Variants in B3GALNT2 observed in about 807,000 individuals in gnomAD.
The protein encoded by B3GALNT2 is UDP-GalNAc:beta-1,3-N-acetylgalactosaminyltransferase 2.
Under a neutral mutation model 61.1 loss-of-function variants are expected in B3GALNT2, and 53 were observed. That is an observed-to-expected ratio of 0.87 (90% confidence interval 0.70 to 1.09). The LOEUF (loss-of-function observed/expected upper bound fraction) is 1.09. Ranked by LOEUF, B3GALNT2 falls within the 50% of genes least tolerant of loss-of-function variation. B3GALNT2 has a pLI of 0.00. For synonymous variants in B3GALNT2, 223 were observed against 237.4 expected, an observed-to-expected ratio of 0.94 and a Z score of 0.56; for missense variants, 544 against 623.0, an observed-to-expected ratio of 0.87 and a Z score of 1.35.
chr1:235,471,099 A>G, intron 5 of B3GALNT2, 139 bp from the exon 6 acceptor site: 1 of 1,437,374 alleles, frequency 7.0e-7, no homozygotes, highest in Non-Finnish European at 9.2e-7. Context: ...ACTCTGACAT[A>G]CCACTGTTAG....
chr1:235,484,317 C>T lies in B3GALNT2; in HGVS notation c.555+5G>A, dbSNP rs373909279. On this transcript the variant is annotated splice_donor_5th_base_variant and intron_variant, in intron 4 of 11. Coordinates refer to ENST00000366600, the MANE Select transcript of B3GALNT2 (RefSeq NM_152490.5). The stretch of plus-strand genomic sequence containing the variant: ...GAGAAAAAACCTGTACAGAGCAGTG[C>T]ATACCTCTTGTTCTGCCTGATAAAG... 3.6e-5 allele frequency: 58 copies of T among 1,612,602 alleles called. No individual in the cohort carries two copies. The highest frequency in any genetic ancestry group is 1.7e-4 in the Middle Eastern group (1 of 5,944).
At chr1:235,482,943 G>A (rs1684626459) in intron 4 of B3GALNT2, among the ~76,000 whole-genome samples, 1 of 152,140 alleles carries the variant, frequency 6.6e-6, no homozygotes, top group Non-Finnish European at 1.5e-5. Context: ...GACAGACGCT[G>A]AGATGACTCA....
chr1:235,502,879 T>C (rs1018643935), intron 1 of B3GALNT2, among the ~76,000 whole-genome samples: 1 of 152,244 alleles, frequency 6.6e-6, no homozygotes, highest in Non-Finnish European at 1.5e-5. Context: ...TCTTCTTAGT[T>C]CACTTCACAA....
rs534326291 is a variant in B3GALNT2 at position 235,489,951 on chromosome 1, A to C, written c.261-683T>G. On this transcript the variant is annotated intron_variant, in intron 2 of 11. Transcript: ENST00000366600. ...TAATGTAACCAATGAGCTGCTGCTA[A>C]ATCAATAGACACTCTTGAACTCTTA... 2.0e-5 allele frequency among the ~76,000 whole-genome samples: 3 copies of C among 152,280 alleles called. No individual in the cohort carries two copies. In the East Asian group the frequency reaches 5.8e-4, roughly 29 times the overall value.
Position 235,449,978 on chromosome 1 carries a change from T to G in B3GALNT2, c.*228A>C. ...AAATAACTTGGTATTTTTCTGATAATCTTCCAATAGATAAATAAAAACTTT... is the reference window on the plus strand; with the variant it reads ...AAATAACTTGGTATTTTTCTGATAAGCTTCCAATAGATAAATAAAAACTTT... On this transcript the variant is annotated 3_prime_UTR_variant, in exon 12 of 12. Transcript: ENST00000366600. The G allele has an allele frequency of 2.5e-6, 1 of 392,330 alleles. No homozygotes were observed. Among genetic ancestry groups the G allele is most frequent in the Non-Finnish European group, 4.5e-6 (1 of 221,504 alleles). The allele number at this position is 392,330 out of a possible 1,614,324, so 24.3% of individuals were successfully genotyped here. A position where few individuals can be genotyped will look rare whatever the true frequency, so the allele number is the denominator to read the frequency against.
chr1:235,450,098 C>A lies in B3GALNT2; in HGVS notation c.*108G>T. On this transcript the variant is annotated 3_prime_UTR_variant, in exon 12 of 12. Coordinates refer to ENST00000366600, the MANE Select transcript of B3GALNT2 (RefSeq NM_152490.5). ...TGGGTGAAAGTGCCAGTCTGGAACT[C>A]TCTTGAAAGACCATACAGTCTACTG... is the stretch of plus-strand genomic sequence containing the variant. 1 of 1,373,732 alleles carries A rather than the reference C, an allele frequency of 7.3e-7. No individual in the cohort carries two copies. The highest frequency in any genetic ancestry group is 1.0e-6 in the Non-Finnish European group (1 of 989,642). The allele number at this position is 1,373,732 out of a possible 1,614,324, so 85.1% of individuals were successfully genotyped here.
downstream of B3GALNT2, among the ~76,000 whole-genome samples, chr1:235,446,969 C>G (rs1455774651): frequency 6.6e-6 from 1 of 152,144 alleles, no homozygotes; most frequent in Non-Finnish European, 1.5e-5. Flanking sequence ...GCAGGCCAGG[C>G]AGATTTCTTA....
chr1:235,494,641 T>C (rs767869415), intron 2 of B3GALNT2, 40 bp downstream of exon 2: 4 of 1,585,334 alleles, frequency 2.5e-6, no homozygotes, highest in African/African-American at 2.7e-5. Context: ...AGAACTCTTA[T>C]TTCAATAAAC....
At chr1:235,468,450 CTTTTTTTTTTT>C (rs58494716) in intron 6 of B3GALNT2, among the ~76,000 whole-genome samples, 1 of 87,388 alleles carries the variant, frequency 1.1e-5, no homozygotes, top group East Asian at 3.0e-4. Context: ...AGAAACCTAC[CTTTTTTTTTTT>C]TTTTTTTTTT....
intron 1 of B3GALNT2, among the ~76,000 whole-genome samples, chr1:235,503,225 T>C (rs575726382): frequency 2.0e-4 from 31 of 152,344 alleles, no homozygotes; most frequent in African/African-American, 5.8e-4. Flanking sequence ...AGTCCCAGTA[T>C]AGTTACAAAA....
intron 6 of B3GALNT2, among the ~76,000 whole-genome samples, chr1:235,468,147 T>A (rs567662559): frequency 4.0e-4 from 61 of 152,326 alleles, no homozygotes; most frequent in African/African-American, 1.5e-3. Flanking sequence ...AATTTCTGTT[T>A]ATTAACTTCT....
At chr1:235,460,594 G>A (rs1002319484) in intron 7 of B3GALNT2, among the ~76,000 whole-genome samples, 1 of 147,336 alleles carries the variant, frequency 6.8e-6, no homozygotes, top group African/African-American at 2.5e-5. Context: ...TTTTTTTTGA[G>A]ACAGGGTCTT....
At chr1:235,504,077 C>T in intron 1 of B3GALNT2, 64 bp downstream of exon 1, 1 of 1,200,758 alleles carries the variant, frequency 8.3e-7, no homozygotes, top group Non-Finnish European at 1.0e-6. Flanking sequence ...CGAAGCCCCG[C>T]GGCACCAAGC....
intron 6 of B3GALNT2, among the ~76,000 whole-genome samples, chr1:235,467,699 C>T (rs976813031): frequency 6.6e-6 from 1 of 151,530 alleles, no homozygotes; most frequent in African/African-American, 2.4e-5. Flanking sequence ...AGGCTGGTCT[C>T]GAACTCCTGA....
At chr1:235,477,024 CAA>C (rs113918092) in intron 5 of B3GALNT2, among the ~76,000 whole-genome samples, 12 of 110,642 alleles carry the variant, frequency 1.1e-4, no homozygotes, top group Admixed American at 9.5e-5. Flanking sequence ...GAGCCTGTCT[CAA>C]AAAAAAAAAA....
chr1:235,455,368 C>T (rs989938627), intron 9 of B3GALNT2, among the ~76,000 whole-genome samples, 191 bp downstream of exon 9: 2 of 152,104 alleles, frequency 1.3e-5, no homozygotes, highest in Non-Finnish European at 1.5e-5. Flanking sequence ...CCTCAGCCTT[C>T]CCAAAACTCT....
chr1:235,458,539 A>T, intron 8 of B3GALNT2, 64 bp downstream of exon 8: 1 of 1,517,202 alleles, frequency 6.6e-7, no homozygotes, highest in South Asian at 1.4e-5. Flanking sequence ...GTAAGACCCC[A>T]TCTCAAAAAA....
chr1:235,456,279 C>T (rs952287784), intron 8 of B3GALNT2, among the ~76,000 whole-genome samples: 2 of 152,138 alleles, frequency 1.3e-5, no homozygotes, highest in East Asian at 1.9e-4. Context: ...ATTATCTAGA[C>T]GTAAAATATA....
In B3GALNT2 at chr1:235,450,063, G is replaced by A. The variant is rs756012240; in HGVS notation, c.*143C>T. ...ATTTGTGCAAACATTAAGAAACACC[G>A]CATTGGTTCTGGGTGAAAGTGCCAG... On this transcript the variant is annotated 3_prime_UTR_variant, in exon 12 of 12. Transcript: ENST00000366600. The A allele has an allele frequency of 2.4e-5, 23 of 940,664 alleles. No individual in the cohort carries two copies. The highest frequency in any genetic ancestry group is 9.7e-5 in the Admixed American group (4 of 41,084). The allele number at this position is 940,664 out of a possible 1,614,324, so 58.3% of individuals were successfully genotyped here. A position where few individuals can be genotyped will look rare whatever the true frequency, so the allele number is the denominator to read the frequency against.
Sources: gnomAD v4.1 joint callset for allele counts (sites outside exome capture counted in the v4.1 genomes callset) on GRCh38, gnomAD v4.1.1 for gene constraint, MANE v1.5 for transcripts, NCBI Gene and HGNC (gene_info 2026-07-23, HGNC 2026-07-21) for gene names.